Variants in MKI67 observed in about 807,000 individuals in gnomAD.
MKI67 encodes marker of proliferation Ki-67.
MKI67 carries 152 observed loss-of-function variants against 233.5 expected under a neutral mutation model. That is an observed-to-expected ratio of 0.65 (90% CI 0.57 to 0.74). The LOEUF (loss-of-function observed/expected upper bound fraction) is 0.74. MKI67 is among the 30% of genes least tolerant of loss of function. MKI67 has a pLI of 0.00. For synonymous variants in MKI67, 1,465 were observed against 1,418.5 expected (o/e 1.03, Z -0.74); for missense variants, 3,940 against 3,885.2 (o/e 1.01, Z -0.37).
At position 128,110,451 on chromosome 10, in the gene MKI67, C is replaced by A; in HGVS notation, c.2343G>T (p.Glu781Asp). The A allele has an allele frequency of 6.3e-7, 1 of 1,589,152 alleles. No individual in the cohort carries two copies. Among genetic ancestry groups the A allele is most frequent in the Non-Finnish European group, 8.6e-7 (1 of 1,160,072 alleles). The part of the protein sequence containing the change: ...STCHIAISNS[E>D]NLLGKQFQGT... ...CTTGAAACTGTTTTCCAAGCAAATT[C>A]TCTGAATTTGAAATAGCGATGTGAC... is the stretch of plus-strand genomic sequence containing the variant. The change falls in exon 12 of 15, where the codon GAG (glutamate) becomes GAT (aspartate). Residue 781 changes from glutamate to aspartate, a missense_variant. Physicochemically the swap from Glu to Asp is conservative, Grantham distance 45. Coordinates refer to ENST00000368654, the MANE Select transcript of MKI67 (RefSeq NM_002417.5).
At chr10:128,117,019 G>A (rs1382748571) in intron 5 of MKI67, among the ~76,000 whole-genome samples, 1 of 152,208 alleles carries the variant, frequency 6.6e-6, no homozygotes, top group Non-Finnish European at 1.5e-5. Context: ...CTAGTGGTCA[G>A]GATAAAAGTA....
Position 128,104,557 on chromosome 10 carries a change from T to G in MKI67, c.7283A>C (p.Lys2428Thr). Residue 2428 changes from lysine to threonine, a missense_variant, in exon 13 of 15, where the codon AAG becomes ACG. Transcript: ENST00000368654. ...GTCCTCTAGAGCCTCAGCCTTTTCCTTAGGAGTCTGTGGCTGTCTCTTGCT... is the reference window on the plus strand; with the variant it reads ...GTCCTCTAGAGCCTCAGCCTTTTCCGTAGGAGTCTGTGGCTGTCTCTTGCT... Reference protein sequence around the residue: ...PGSKRQPQTPKEKAEALEDLV... With the variant: ...PGSKRQPQTPTEKAEALEDLV... 1 of 1,614,158 alleles carries G rather than the reference T, an allele frequency of 6.2e-7. No individual in the cohort carries two copies. The highest frequency in any genetic ancestry group is 8.5e-7 in the Non-Finnish European group (1 of 1,180,024).
rs1377747591 is a variant in MKI67 at position 128,107,680 on chromosome 10, G to T, written c.4160C>A (p.Thr1387Lys). ...PPESADTPTSTRRQPKTPLEK... is the reference protein window; with the variant it reads ...PPESADTPTSKRRQPKTPLEK... Reference sequence around the variant, plus strand: ...CAAAGGTGTCTTGGGCTGCCTTCTTGTGCTTGTTGGGGTGTCTGCTGATTC... The same window carrying T: ...CAAAGGTGTCTTGGGCTGCCTTCTTTTGCTTGTTGGGGTGTCTGCTGATTC... Residue 1387 changes from threonine (T) to lysine (K), a missense_variant, in exon 13 of 15, where the codon ACA (threonine) becomes AAA (lysine). Coordinates refer to ENST00000368654, the MANE Select transcript of MKI67 (RefSeq NM_002417.5). 6.2e-7 allele frequency: 1 copy of T among 1,613,934 alleles called. No homozygotes were observed. The highest frequency in any genetic ancestry group is 8.5e-7 in the Non-Finnish European group (1 of 1,180,020).
In MKI67 at chr10:128,101,571, A is replaced by G. The variant is rs560965489; in HGVS notation, c.9392T>C (p.Met3131Thr). 9 of 1,614,184 alleles carry G rather than the reference A, an allele frequency of 5.6e-6. No individual in the cohort carries two copies. The South Asian group carries it at 8.8e-5, about 16-fold the overall frequency. The change falls in exon 14 of 15, where the codon ATG becomes ACG. Residue 3131 changes from methionine (M) to threonine (T), a missense_variant. Physicochemically the swap from Met to Thr is moderately conservative, Grantham distance 81 (BLOSUM62 -1). Coordinates refer to ENST00000368654, the MANE Select transcript of MKI67 (RefSeq NM_002417.5). Reference protein sequence around the residue: ...EKKPMKTSPEMDIQNPDDGAR... With the variant: ...EKKPMKTSPETDIQNPDDGAR... ...TCCATCATCTGGATTCTGAATGTCC[A>G]TCTCTGGGGAGGTCTTCATGGGCTT...
chr10:128,104,523 G>A lies in MKI67; in HGVS notation c.7317C>T (p.Gly2439=), dbSNP rs1170403298. The change falls in exon 13 of 15, where the codon GGC becomes GGT. Residue 2439 remains glycine, a synonymous_variant. Transcript: ENST00000368654. ...EKAEALEDLV[G]FKELFQTPGH... Reference sequence around the variant, plus strand: ...CTGGTGTCTGGAAGAGTTCTTTGAAGCCAACCAGGTCCTCTAGAGCCTCAG... The same window carrying A: ...CTGGTGTCTGGAAGAGTTCTTTGAAACCAACCAGGTCCTCTAGAGCCTCAG... 1.9e-6 allele frequency: 3 copies of A among 1,614,176 alleles called. No homozygotes were observed. The highest frequency in any genetic ancestry group is 2.5e-6 in the Non-Finnish European group (3 of 1,180,030).
chr10:128,102,476 GAAAGGA>G, intron 13 of MKI67, 97 bp downstream of exon 13: 1 of 1,407,582 alleles, frequency 7.1e-7, no homozygotes, highest in Non-Finnish European at 9.6e-7. Context: ...ACCCTCTGGG[GAAAGGA>G]TAACCACTTA....
chr10:128,103,517 C>T lies in MKI67; in HGVS notation c.8323G>A (p.Ala2775Thr). The change falls in exon 13 of 15, where the codon GCT (alanine) becomes ACT (threonine). Residue 2775 changes from alanine to threonine, a missense_variant. Coordinates refer to ENST00000368654, the MANE Select transcript of MKI67 (RefSeq NM_002417.5). ...CTGCCAGTTACACTTGCTGCTGGAG[C>T]CGGTGTCTGTTTTGCAGATTCCTTC... ...ALKESAKQTPAPAASVTGSRR... is the reference protein window; with the variant it reads ...ALKESAKQTPTPAASVTGSRR... The T allele has an allele frequency of 6.2e-7, 1 of 1,613,292 alleles. No individual in the cohort carries two copies. The highest frequency in any genetic ancestry group is 8.5e-7 in the Non-Finnish European group (1 of 1,179,832).
Position 128,106,922 on chromosome 10 carries a change from C to G in MKI67, c.4918G>C (p.Val1640Leu), listed in dbSNP as rs1565004513. Residue 1640 changes from valine to leucine, a missense_variant, in exon 13 of 15, where the codon GTG becomes CTG. By Grantham distance (32) the Val-to-Leu change is conservative. Coordinates refer to ENST00000368654, the MANE Select transcript of MKI67 (RefSeq NM_002417.5). ...GCTAGGAGCTCTTCTTTCACGCCCA[C>G]TTTCCCCAGGGATGTCTTGAGCCGT... ...KRRLKTSLGKVGVKEELLAVG... is the reference protein window; with the variant it reads ...KRRLKTSLGKLGVKEELLAVG... The G allele has an allele frequency of 1.2e-6, 2 of 1,614,148 alleles. No individual in the cohort carries two copies. Among genetic ancestry groups the G allele is most frequent in the Admixed American group, 1.7e-5 (1 of 60,006 alleles).
rs753528221 is a variant in MKI67, at chr10:128,112,363, G to C, written c.1739C>G (p.Pro580Arg). The C allele has an allele frequency of 3.7e-6, 6 of 1,614,028 alleles. No individual in the cohort carries two copies. Among genetic ancestry groups the C allele is most frequent in the Non-Finnish European group, 5.1e-6 (6 of 1,180,022 alleles). The part of the protein sequence containing the change: ...EVKAQSLVIS[P>R]PAPSPRKTPV... Reference sequence around the variant, plus strand: ...AGTTTTCCTAGGACTAGGAGCTGGAGGGCTTATAACCAAGCTTTGTGCCTT... The same window carrying C: ...AGTTTTCCTAGGACTAGGAGCTGGACGGCTTATAACCAAGCTTTGTGCCTT... Residue 580 changes from proline to arginine, a missense_variant, in exon 9 of 15, where the codon CCT becomes CGT. Transcript: ENST00000368654.
chr10:128,105,643 G>A lies in MKI67; in HGVS notation c.6197C>T (p.Pro2066Leu). 1.9e-6 allele frequency: 3 copies of A among 1,613,808 alleles called. No homozygotes were observed. The highest frequency in any genetic ancestry group is 2.5e-6 in the Non-Finnish European group (3 of 1,179,962). Residue 2066 changes from proline (P) to leucine (L), a missense_variant, in exon 13 of 15, where the codon CCT becomes CTT. Transcript: ENST00000368654. ...GTGMERWPRT[P>L]KEEAQSLEDL... ...TTCTAGTGATTGGGCCTCTTCCTTA[G>A]GTGTTCTTGGCCACCTCTCCATCCC...
rs577172780 is a variant in MKI67, at chr10:128,121,478, TTATTA to T, written c.287+1398_287+1402del. On this transcript the variant is annotated intron_variant, in intron 4 of 14. Transcript: ENST00000368654. ...TACTATATGGTATATATAATATATA[TTATTA>T]TATTATATATTACTATATAACATAT... Among the ~76,000 whole-genome samples, 280 of 136,304 alleles carry T rather than the reference TTATTA, an allele frequency of 2.1e-3. 1 individual carries two copies. Among genetic ancestry groups the T allele is most frequent in the African/African-American group, 7.4e-3 (273 of 37,016 alleles). 89.4% of individuals were successfully genotyped at this position (136,304 alleles called of 152,430 possible). A position where few individuals can be genotyped will look rare whatever the true frequency, so the allele number is the denominator to read the frequency against.
Position 128,103,261 on chromosome 10 carries a change from T to C in MKI67, c.8579A>G (p.Lys2860Arg). The C allele has an allele frequency of 6.2e-7, 1 of 1,614,190 alleles. No individual in the cohort carries two copies. Among genetic ancestry groups the C allele is most frequent in the Non-Finnish European group, 8.5e-7 (1 of 1,180,008 alleles). The change falls in exon 13 of 15, where the codon AAG becomes AGG. Residue 2860 changes from lysine (K) to arginine (R), a missense_variant. By Grantham distance (26) the Lys-to-Arg change is conservative. Transcript: ENST00000368654. Reference sequence around the variant, plus strand: ...GGTCTCCCCTGAGGTTTGTGTGAGCTTGCCAACTGCTAACAGCTCCTCCTT... The same window carrying C: ...GGTCTCCCCTGAGGTTTGTGTGAGCCTGCCAACTGCTAACAGCTCCTCCTT... ...EVKEELLAVG[K>R]LTQTSGETTH...
chr10:128,111,556 G>A, intron 11 of MKI67, 89 bp downstream of exon 11: 2 of 975,698 alleles, frequency 2.0e-6, no homozygotes, highest in Non-Finnish European at 3.0e-6. Flanking sequence ...CTCTTTCACA[G>A]CAGATAAACA....
Position 128,112,397 on chromosome 10 carries a change from C to G in MKI67, c.1705G>C (p.Val569Leu), listed in dbSNP as rs1852700682. 6.2e-7 allele frequency: 1 copy of G among 1,614,106 alleles called. No individual in the cohort carries two copies. The highest frequency in any genetic ancestry group is 1.7e-5 in the Admixed American group (1 of 60,006). The stretch of plus-strand genomic sequence containing the variant: ...ACCAAGCTTTGTGCCTTCACTTCCA[C>G]ATGGATTTCTGAACCTGACTCTTGT... ...GKQESGSEIH[V>L]EVKAQSLVIS... The change falls in exon 9 of 15, where the codon GTG (valine) becomes CTG (leucine). Residue 569 changes from valine to leucine, a missense_variant. Physicochemically the swap from Val to Leu is conservative, Grantham distance 32. Coordinates refer to ENST00000368654, the MANE Select transcript of MKI67 (RefSeq NM_002417.5).
chr10:128,110,566 C>T, intron 11 of MKI67, 33 bp from the exon 12 acceptor site: 1 of 1,501,806 alleles, frequency 6.7e-7, no homozygotes, highest in Non-Finnish European at 9.1e-7. Context: ...AAGTGATTGA[C>T]ATATTGCTAA....
Position 128,108,322 on chromosome 10 carries a change from G to A in MKI67, c.3518C>T (p.Ala1173Val), listed in dbSNP as rs1049562442. 1.2e-6 allele frequency: 2 copies of A among 1,613,994 alleles called. No individual in the cohort carries two copies. The highest frequency in any genetic ancestry group is 2.7e-5 in the African/African-American group (2 of 74,892). The change falls in exon 13 of 15, where the codon GCC becomes GTC. Residue 1173 changes from alanine to valine, a missense_variant. By Grantham distance (64) the Ala-to-Val change is moderately conservative (BLOSUM62 0). Transcript: ENST00000368654. ...LRKLTPSAGK[A>V]MLTPKPAGGD... ...TCCTGCTGGTTTGGGCGTAAGCATG[G>A]CTTTCCCTGCTGATGGTGTTAGTTT...
Position 128,125,636 on chromosome 10 carries a change from T to C in MKI67, c.32A>G (p.Lys11Arg), listed in dbSNP as rs1336925242. The change falls in exon 2 of 15, where the codon AAA becomes AGA. Residue 11 changes from lysine to arginine, a missense_variant. Transcript: ENST00000368654. This position sits in a 1 kb window ranked among gnomAD's most constrained non-coding sequence, Gnocchi z 5.3. Reference sequence around the variant, plus strand: ...GTGGGGACCGTCGACCCCGCTCCTTTTGATAGTAACCAGGCGTCTCGTGGG... The same window carrying C: ...GTGGGGACCGTCGACCCCGCTCCTTCTGATAGTAACCAGGCGTCTCGTGGG... MWPTRRLVTI[K>R]RSGVDGPHFP... is the part of the protein sequence containing the mutation. The C allele has an allele frequency of 6.2e-7, 1 of 1,613,918 alleles. No individual in the cohort carries two copies. Among genetic ancestry groups the C allele is most frequent in the Admixed American group, 1.7e-5 (1 of 60,020 alleles).
chr10:128,123,276 A>G (rs916099973), intron 2 of MKI67, 107 bp from the exon 3 acceptor site: 1 of 807,034 alleles, frequency 1.2e-6, no homozygotes, highest in African/African-American at 1.7e-5. Context: ...ATCTGTAAAT[A>G]TGACATAAAG....
chr10:128,115,537 T>A lies in MKI67; in HGVS notation c.871A>T (p.Lys291Ter), dbSNP rs764885271. 7.4e-6 allele frequency: 12 copies of A among 1,614,146 alleles called. No individual in the cohort carries two copies. The highest frequency in any genetic ancestry group is 1.0e-5 in the Non-Finnish European group (12 of 1,180,058). ...CTCCCACCAGATTTTGGTCTTGACT[T>A]ACGCGAGACCAACAGTTGGGTCTCC... ...QGETQLLVSRKSRPKSGGSGH... is the reference protein window; with the variant it reads ...QGETQLLVSR Residue 291 changes from lysine to a stop codon, truncating the protein, a stop_gained, in exon 7 of 15, where the codon AAG becomes TAG. Coordinates refer to ENST00000368654, the MANE Select transcript of MKI67 (RefSeq NM_002417.5). LOFTEE classifies it high-confidence loss of function.
Sources: allele counts gnomAD v4.1 joint callset (sites outside exome capture counted in the v4.1 genomes callset), GRCh38; gene constraint gnomAD v4.1.1; non-coding constraint Gnocchi (gnomAD v3.1); transcripts MANE v1.5; gene names NCBI Gene and HGNC (gene_info 2026-07-23, HGNC 2026-07-21).